PCMTD1: variants seen among roughly 807,000 people sequenced by gnomAD.
PCMTD1 encodes the protein protein-L-isoaspartate (D-aspartate) O-methyltransferase domain containing 1, also known as protein-L-isoaspartate O-methyltransferase domain-containing protein 1.
A neutral mutation model predicts 37.6 loss-of-function variants in PCMTD1; 12 were observed. That is an observed-to-expected ratio of 0.32 (90% CI 0.20 to 0.52). The LOEUF (loss-of-function observed/expected upper bound fraction) is 0.52, where lower values mean the gene tolerates loss of function less well. Among genes scored for constraint, PCMTD1 ranks in the 20% least tolerant of loss-of-function variants. The pLI is 0.97. For missense variants in PCMTD1, 235 were observed against 421.3 expected (o/e 0.56, Z 3.87); for synonymous variants, 117 against 135.8 (o/e 0.86, Z 0.96).
At chr8:51,850,936 T>C (rs1278909769) in intron 2 of PCMTD1, among the ~76,000 whole-genome samples, 1 of 152,088 alleles carries the variant, frequency 6.6e-6, no homozygotes, top group Non-Finnish European at 1.5e-5. Context: ...TATCCTGTGG[T>C]ATAATGCACA....
chr8:51,856,659 C>T (rs555723489), intron 2 of PCMTD1, among the ~76,000 whole-genome samples: 1 of 152,246 alleles, frequency 6.6e-6, no homozygotes, highest in South Asian at 2.1e-4. Context: ...TACAATGAAA[C>T]AGCATTCAGC....
rs1490869507 is a variant in PCMTD1, at chr8:51,819,996, G to A, written c.*355C>T. On this transcript the variant is annotated 3_prime_UTR_variant, in exon 6 of 6. Coordinates refer to ENST00000522514, the MANE Select transcript of PCMTD1 (RefSeq NM_052937.4). The stretch of plus-strand genomic sequence containing the variant: ...CTGCAATTCAGATCAGGTTATATAA[G>A]CTTAACAATTATTTAAACCATATAT... 1 of 158,036 alleles carries A rather than the reference G, an allele frequency of 6.3e-6. No individual in the cohort carries two copies. The highest frequency in any genetic ancestry group is 1.4e-5 in the Non-Finnish European group (1 of 72,088). 9.8% of individuals were successfully genotyped at this position (158,036 alleles called of 1,614,324 possible).
intron 1 of PCMTD1, among the ~76,000 whole-genome samples, chr8:51,871,338 AGAC>A (rs1563356213): frequency 6.6e-6 from 1 of 152,210 alleles, no homozygotes; most frequent in Non-Finnish European, 1.5e-5. Flanking sequence ...AGCGAAGAAA[AGAC>A]AACACAGTTA....
chr8:51,862,381 CACAT>C (rs2038486320), intron 1 of PCMTD1, among the ~76,000 whole-genome samples: 3 of 152,056 alleles, frequency 2.0e-5, no homozygotes, highest in East Asian at 1.9e-4. Context: ...CACTCACACA[CACAT>C]ACACTGAACT....
At chr8:51,880,226 G>A (rs2038773105) in intron 1 of PCMTD1, among the ~76,000 whole-genome samples, 1 of 151,714 alleles carries the variant, frequency 6.6e-6, no homozygotes. Context: ...AAAGAGGGGA[G>A]GGGGGCAGAG....
chr8:51,837,403 T>C (rs1239348171), intron 3 of PCMTD1, among the ~76,000 whole-genome samples: 9 of 151,982 alleles, frequency 5.9e-5, no homozygotes, highest in Non-Finnish European at 1.0e-4. Context: ...AAAATAAAAA[T>C]GGAAAGATAT....
At chr8:51,894,643 T>C (rs1180846517) in intron 1 of PCMTD1, among the ~76,000 whole-genome samples, 2 of 152,176 alleles carry the variant, frequency 1.3e-5, no homozygotes, top group African/African-American at 4.8e-5. Context: ...GCAGGGAACA[T>C]GATCAGGACT....
At chr8:51,897,023 T>C (rs2039011776) in intron 1 of PCMTD1, among the ~76,000 whole-genome samples, 1 of 152,176 alleles carries the variant, frequency 6.6e-6, no homozygotes, top group Admixed American at 6.5e-5. Flanking sequence ...ATAACTAAAA[T>C]GTCATGGATT....
At chr8:51,860,136 T>C (rs897447838) in intron 2 of PCMTD1, among the ~76,000 whole-genome samples, 7 of 152,228 alleles carry the variant, frequency 4.6e-5, no homozygotes, top group Non-Finnish European at 7.3e-5. Flanking sequence ...TCAGGCAAGT[T>C]ATTTAACCTC....
chr8:51,859,781 C>G (rs1482802795), intron 2 of PCMTD1, among the ~76,000 whole-genome samples: 1 of 152,166 alleles, frequency 6.6e-6, no homozygotes, highest in African/African-American at 2.4e-5. Context: ...ATGTCATTCT[C>G]TATTTAAAAT....
chr8:51,888,591 T>A (rs895176290), intron 1 of PCMTD1, among the ~76,000 whole-genome samples: 1 of 152,252 alleles, frequency 6.6e-6, no homozygotes, highest in South Asian at 2.1e-4. Context: ...TCTGAACTCA[T>A]AGCCTTTATT....
chr8:51,847,659 C>G (rs1307574741), intron 2 of PCMTD1, among the ~76,000 whole-genome samples: 4 of 152,058 alleles, frequency 2.6e-5, no homozygotes, highest in African/African-American at 9.7e-5. Flanking sequence ...TAAAACTACA[C>G]TTACTTAACA....
chr8:51,890,768 C>T (rs2038925390), intron 1 of PCMTD1, among the ~76,000 whole-genome samples: 1 of 152,204 alleles, frequency 6.6e-6, no homozygotes, highest in Non-Finnish European at 1.5e-5. Context: ...CCCCTAATAA[C>T]ATTAAGTCAA....
intron 5 of PCMTD1, chr8:51,827,003 A>G (rs753785737): frequency 2.1e-6 from 2 of 952,178 alleles, no homozygotes; most frequent in Non-Finnish European, 2.5e-6. Flanking sequence ...TTATATATAT[A>G]TTATTTTTGG....
At chr8:51,865,662 A>G (rs2038544246) in intron 1 of PCMTD1, among the ~76,000 whole-genome samples, 1 of 152,090 alleles carries the variant, frequency 6.6e-6, no homozygotes, top group South Asian at 2.1e-4. Context: ...AATTAGACAC[A>G]GAGGGAAGAT....
intron 1 of PCMTD1, among the ~76,000 whole-genome samples, chr8:51,898,101 TA>T (rs2129297676): frequency 6.6e-6 from 1 of 152,150 alleles, no homozygotes; most frequent in Non-Finnish European, 1.5e-5. Flanking sequence ...CTTTTGTAAT[TA>T]AAAAAATAAA....
At chr8:51,838,468 C>T (rs377454847) in intron 3 of PCMTD1, among the ~76,000 whole-genome samples, 18 of 151,778 alleles carry the variant, frequency 1.2e-4, no homozygotes, top group African/African-American at 2.7e-4. Context: ...CCAGCCTGTG[C>T]GACACAGCAA....
intron 1 of PCMTD1, among the ~76,000 whole-genome samples, chr8:51,874,115 G>T (rs1415391835): frequency 2.0e-5 from 3 of 151,998 alleles, no homozygotes; most frequent in African/African-American, 7.3e-5. Flanking sequence ...GGCCAAGATG[G>T]TCTTGATCTC....
chr8:51,839,209 A>T (rs2038110953), intron 3 of PCMTD1, among the ~76,000 whole-genome samples: 1 of 152,218 alleles, frequency 6.6e-6, no homozygotes, highest in Non-Finnish European at 1.5e-5. Flanking sequence ...AACAGTCCTG[A>T]AATGTGTATA....
Sources: allele counts gnomAD v4.1 joint callset (sites outside exome capture counted in the v4.1 genomes callset), GRCh38; gene constraint gnomAD v4.1.1; transcripts MANE v1.5; gene names NCBI Gene and HGNC (gene_info 2026-07-23, HGNC 2026-07-21).